Variants in SLC22A15 observed in about 807,000 individuals in gnomAD.
The protein encoded by SLC22A15 is solute carrier family 22 member 15.
In SLC22A15, 45 loss-of-function variants were observed where a neutral mutation model predicts 62.7. The ratio of observed to expected loss-of-function variants is 0.72; its 90% CI spans 0.56 to 0.92. The LOEUF (loss-of-function observed/expected upper bound fraction) is 0.92. SLC22A15 is among the 40% of genes least tolerant of loss of function. The pLI is 0.00. For synonymous variants in SLC22A15, 264 were observed against 267.0 expected, an observed-to-expected ratio of 0.99 and a Z score of 0.11; for missense variants, 622 against 665.6, an observed-to-expected ratio of 0.93 and a Z score of 0.72.
chr1:116,067,978 G>GA lies in SLC22A15; in HGVS notation c.*878dup, dbSNP rs3833540. The GA allele has an allele frequency of 0.4, 61,256 of 151,790 alleles. 15,176 individuals carry two copies. Among genetic ancestry groups the GA allele is most frequent in the Non-Finnish European group, 0.56 (38,030 of 67,908 alleles). The allele number at this position is 151,790 out of a possible 1,614,324, so 9.4% of individuals were successfully genotyped here. Reference sequence around the variant, plus strand: ...ACAGTGACATGTTGAGCACCTGGAGGAAAAAAAAGGTGCAGTTTTTAATAA... The same window carrying GA: ...ACAGTGACATGTTGAGCACCTGGAGGAAAAAAAAAGGTGCAGTTTTTAATAA... On this transcript the variant is annotated 3_prime_UTR_variant, in exon 12 of 12. Coordinates refer to ENST00000369503, the MANE Select transcript of SLC22A15 (RefSeq NM_018420.3).
chr1:116,000,719 C>T (rs1188856937), intron 2 of SLC22A15, among the ~76,000 whole-genome samples: 1 of 148,008 alleles, frequency 6.8e-6, no homozygotes, highest in African/African-American at 2.5e-5. Context: ...CAAACTCTGC[C>T]TTCCAGGTTC....
At chr1:116,007,118 G>A (rs1003992057) in intron 2 of SLC22A15, among the ~76,000 whole-genome samples, 6 of 152,088 alleles carry the variant, frequency 3.9e-5, no homozygotes, top group Admixed American at 3.3e-4. Context: ...TCCCACCAGG[G>A]TGTCAAAAAA....
At position 116,068,402 on chromosome 1, in the gene SLC22A15, A is replaced by G. The variant is rs1433956022; in HGVS notation, c.*1294A>G. 1 of 152,600 alleles carries G rather than the reference A, an allele frequency of 6.6e-6. No individual in the cohort carries two copies. The highest frequency in any genetic ancestry group is 1.5e-5 in the Non-Finnish European group (1 of 68,046). 9.5% of individuals were successfully genotyped at this position (152,600 alleles called of 1,614,324 possible). A position where few individuals can be genotyped will look rare whatever the true frequency, so the allele number is the denominator to read the frequency against. ...GAAAAAGAAATTGAATTAGAGGTAA[A>G]TAGAAGACGTCACTGTGGCTGCTTC... On this transcript the variant is annotated 3_prime_UTR_variant, in exon 12 of 12. Transcript: ENST00000369503.
At position 116,000,820 on chromosome 1, in the gene SLC22A15, GA is replaced by G. The variant is rs540848351; in HGVS notation, c.300+8578del. 2.2e-3 allele frequency among the ~76,000 whole-genome samples: 336 copies of G among 151,806 alleles called. 1 individual carries two copies. Among genetic ancestry groups the G allele is most frequent in the Non-Finnish European group, 4.3e-3 (290 of 67,912 alleles). On this transcript the variant is annotated intron_variant, in intron 2 of 11. Coordinates refer to ENST00000369503, the MANE Select transcript of SLC22A15 (RefSeq NM_018420.3). ...TAATTTTTTGTATTTTTTTAGTAGAGACGGGGTTTCACTGTGTTAGCCAGGA... is the reference window on the plus strand; with the variant it reads ...TAATTTTTTGTATTTTTTTAGTAGAGCGGGGTTTCACTGTGTTAGCCAGGA...
intron 4 of SLC22A15, 32 bp from the exon 5 acceptor site, chr1:116,026,861 C>T: frequency 6.2e-7 from 1 of 1,609,678 alleles, no homozygotes; most frequent in Non-Finnish European, 8.5e-7. Context: ...ATGGTGCTTT[C>T]TCCAGTGACA....
Position 116,047,769 on chromosome 1 carries a change from G to T in SLC22A15, c.1171+10381G>T, listed in dbSNP as rs149197887. On this transcript the variant is annotated intron_variant, in intron 8 of 11. Transcript: ENST00000369503. ...TAGACCTTCCCTCTGACAGATAAAA[G>T]GTTAGTTATTAAATTGAGGCACCAG... is the stretch of plus-strand genomic sequence containing the variant. 3.0e-4 allele frequency among the ~76,000 whole-genome samples: 45 copies of T among 152,134 alleles called. No individual in the cohort carries two copies. In the East Asian group the frequency reaches 8.5e-3, roughly 29 times the overall value.
chr1:116,028,161 T>C (rs747157953), intron 5 of SLC22A15, among the ~76,000 whole-genome samples: 28 of 152,214 alleles, frequency 1.8e-4, no homozygotes, highest in Non-Finnish European at 4.0e-4. Context: ...AAATTTTTCA[T>C]ACATTTTTGA....
chr1:115,988,288 T>G (rs6428847), intron 1 of SLC22A15, among the ~76,000 whole-genome samples: 73,934 of 151,984 alleles, frequency 0.49, 20,681 homozygotes, highest in Non-Finnish European at 0.64. Context: ...TGTGGGTGAA[T>G]GTGTGCATGG....
Position 115,976,517 on chromosome 1 carries a change from C to A in SLC22A15, c.-111C>A, listed in dbSNP as rs548153740. 11 of 483,762 alleles carry A rather than the reference C, an allele frequency of 2.3e-5. No homozygotes were observed. In the South Asian group the frequency reaches 7.0e-4, roughly 31 times the overall value. 30.0% of individuals were successfully genotyped at this position (483,762 alleles called of 1,614,324 possible). A position where few individuals can be genotyped will look rare whatever the true frequency, so the allele number is the denominator to read the frequency against. On this transcript the variant is annotated 5_prime_UTR_variant, in exon 1 of 12. Transcript: ENST00000369503. The stretch of plus-strand genomic sequence containing the variant: ...GGCCCCGCCGCCAGCGCTTCCATCC[C>A]CGCCCCGGCGGGTCCAAGCCGGTGC...
At chr1:116,065,905 C>T (rs901368482) in intron 10 of SLC22A15, among the ~76,000 whole-genome samples, 11 of 152,120 alleles carry the variant, frequency 7.2e-5, no homozygotes, top group Non-Finnish European at 1.0e-4. Flanking sequence ...TTCCGTTTTC[C>T]TGAGAATATG....
chr1:115,979,821 A>G (rs1007725926), intron 1 of SLC22A15, among the ~76,000 whole-genome samples: 5 of 152,160 alleles, frequency 3.3e-5, no homozygotes, highest in Non-Finnish European at 7.4e-5. Flanking sequence ...TTTCCTCAAA[A>G]TCATGAATCG....
chr1:116,064,499 C>T lies in SLC22A15; in HGVS notation c.1356C>T (p.Ile452=). The T allele has an allele frequency of 1.2e-6, 2 of 1,611,592 alleles. No individual in the cohort carries two copies. The highest frequency in any genetic ancestry group is 1.1e-5 in the South Asian group (1 of 91,024). ...SRVGGIIAPF[I]PSLKYVQWSL... The stretch of plus-strand genomic sequence containing the variant: ...TTGGTGGGATTATTGCTCCCTTCAT[C>T]CCCTCACTGGTTGGTTTGTACCTTC... The change falls in exon 10 of 12, where the codon ATC becomes ATT. Residue 452 remains isoleucine (I), a synonymous_variant. Transcript: ENST00000369503.
intron 5 of SLC22A15, among the ~76,000 whole-genome samples, chr1:116,029,978 C>T (rs1657315111): frequency 6.6e-6 from 1 of 152,114 alleles, no homozygotes; most frequent in Non-Finnish European, 1.5e-5. Context: ...CTATATGCCC[C>T]TATGGATAGG....
chr1:116,049,365 A>G (rs1053165335), intron 8 of SLC22A15, among the ~76,000 whole-genome samples: 1 of 152,200 alleles, frequency 6.6e-6, no homozygotes, highest in Non-Finnish European at 1.5e-5. Context: ...ATGAGCCTCA[A>G]TAAATTTAAG....
intron 2 of SLC22A15, among the ~76,000 whole-genome samples, chr1:116,002,751 C>G (rs1570712317): frequency 1.3e-5 from 2 of 152,086 alleles, no homozygotes; most frequent in South Asian, 2.1e-4. Context: ...GGAATGGGTT[C>G]CCTTCTGTCC....
chr1:115,992,005 T>G lies in SLC22A15; in HGVS notation c.88-26T>G, dbSNP rs768647321. ...CATTGATGGCAAATATCTGCAGTGT[T>G]TGGTTCTGTGTGTTTGCTCTTTCAG... is the stretch of plus-strand genomic sequence containing the variant. On this transcript the variant is annotated intron_variant, in intron 1 of 11. Transcript: ENST00000369503. 3.8e-5 allele frequency: 61 copies of G among 1,602,410 alleles called. No homozygotes were observed. The highest frequency in any genetic ancestry group is 1.2e-4 in the Admixed American group (7 of 59,948).
At chr1:116,000,398 C>T (rs1301081473) in intron 2 of SLC22A15, among the ~76,000 whole-genome samples, 1 of 152,020 alleles carries the variant, frequency 6.6e-6, no homozygotes, top group African/African-American at 2.4e-5. Flanking sequence ...TTAGCTTCAT[C>T]CCCTTGCTTT....
At chr1:116,053,877 C>T in intron 8 of SLC22A15, among the ~76,000 whole-genome samples, 1 of 151,516 alleles carries the variant, frequency 6.6e-6, no homozygotes, top group East Asian at 1.9e-4. Flanking sequence ...CACCACCAGG[C>T]CTGCCCTAAA....
chr1:116,009,853 T>G (rs1656164205), intron 2 of SLC22A15, among the ~76,000 whole-genome samples: 1 of 152,226 alleles, frequency 6.6e-6, no homozygotes, highest in African/African-American at 2.4e-5. Flanking sequence ...GAAGCCCTGT[T>G]GACCCGTCAC....
Sources: gnomAD v4.1 joint callset for allele counts (sites outside exome capture counted in the v4.1 genomes callset) on GRCh38, gnomAD v4.1.1 for gene constraint, MANE v1.5 for transcripts, NCBI Gene and HGNC (gene_info 2026-07-23, HGNC 2026-07-21) for gene names.